The following FAM117B variants were observed in gnomAD, a reference collection of about 807,000 sequenced individuals.
FAM117B encodes the protein protein FAM117B.
In FAM117B, 22 loss-of-function variants were observed where a neutral mutation model predicts 52.8. That is an observed-to-expected ratio of 0.42 (90% CI 0.30 to 0.59). The LOEUF (loss-of-function observed/expected upper bound fraction) is 0.59. Ranked by LOEUF, FAM117B falls within the 20% of genes least tolerant of loss-of-function variation. FAM117B has a pLI of 0.22. For missense variants in FAM117B, 678 were observed against 802.6 expected, an observed-to-expected ratio of 0.84 and a Z score of 1.88; for synonymous variants, 309 against 324.1, an observed-to-expected ratio of 0.95 and a Z score of 0.50.
intron 1 of FAM117B, among the ~76,000 whole-genome samples, chr2:202,651,808 G>A (rs562471390): frequency 6.6e-5 from 10 of 152,150 alleles, no homozygotes; most frequent in East Asian, 1.9e-4. Flanking sequence ...ATAAAGACAA[G>A]TTTGGGAGGC....
chr2:202,689,789 G>A (rs544958700), intron 1 of FAM117B, among the ~76,000 whole-genome samples: 7 of 151,928 alleles, frequency 4.6e-5, no homozygotes, highest in South Asian at 2.1e-4. Flanking sequence ...GTAGTGGTGC[G>A]TGCCTGTGGT....
chr2:202,655,745 A>AGTGTGTGT (rs1349842139), intron 1 of FAM117B, among the ~76,000 whole-genome samples: 23 of 133,670 alleles, frequency 1.7e-4, no homozygotes, highest in African/African-American at 8.6e-4. Context: ...AGAGAGAGAG[A>AGTGTGTGT]GAGAGAGAGA....
intron 1 of FAM117B, among the ~76,000 whole-genome samples, chr2:202,693,024 A>AC (rs1690659080): frequency 6.6e-6 from 1 of 152,234 alleles, no homozygotes; most frequent in South Asian, 2.1e-4. Flanking sequence ...CATACAAAAA[A>AC]CAGGTGCAAG....
At chr2:202,747,870 A>G (rs1691658545) in intron 4 of FAM117B, among the ~76,000 whole-genome samples, 2 of 152,158 alleles carry the variant, frequency 1.3e-5, no homozygotes, top group African/African-American at 2.4e-5. Flanking sequence ...AAATGACCAT[A>G]CTATCCAAAG....
At chr2:202,762,136 T>G (rs756477368) in intron 7 of FAM117B, among the ~76,000 whole-genome samples, 1 of 152,170 alleles carries the variant, frequency 6.6e-6, no homozygotes, top group Non-Finnish European at 1.5e-5. Flanking sequence ...AAGGGTAGAT[T>G]GTTGGTCCCA....
intron 2 of FAM117B, among the ~76,000 whole-genome samples, chr2:202,710,400 A>T (rs1212960473): frequency 2.6e-5 from 4 of 151,618 alleles, no homozygotes; most frequent in African/African-American, 9.7e-5. Flanking sequence ...TGCTTTCCTA[A>T]TTTTCTTAAT....
chr2:202,676,212 C>T (rs193150979), intron 1 of FAM117B, among the ~76,000 whole-genome samples: 34 of 151,950 alleles, frequency 2.2e-4, no homozygotes, highest in Admixed American at 5.2e-4. Flanking sequence ...TTGCCAGTAG[C>T]CATATGAATG....
intron 4 of FAM117B, among the ~76,000 whole-genome samples, chr2:202,736,228 T>G (rs1455608927): frequency 6.6e-6 from 1 of 152,226 alleles, no homozygotes; most frequent in Admixed American, 6.5e-5. Flanking sequence ...TTTTTTGCCG[T>G]TTCAAAATTG....
chr2:202,731,332 AATAT>A (rs35255766), intron 4 of FAM117B, among the ~76,000 whole-genome samples: 1,818 of 30,742 alleles, frequency 0.059, 89 homozygotes, highest in Admixed American at 0.11. Context: ...GAGAAATTGG[AATAT>A]ATATATATAT....
At chr2:202,670,568 C>T (rs751589671) in intron 1 of FAM117B, among the ~76,000 whole-genome samples, 2 of 151,884 alleles carry the variant, frequency 1.3e-5, no homozygotes, top group Non-Finnish European at 2.9e-5. Context: ...GATAAGCCAC[C>T]GCCCCCTGGC....
At chr2:202,712,205 T>C (rs963309600) in intron 2 of FAM117B, among the ~76,000 whole-genome samples, 6 of 152,088 alleles carry the variant, frequency 3.9e-5, no homozygotes, top group African/African-American at 1.4e-4. Context: ...TTTGTGTGTC[T>C]TTAATTTCTT....
chr2:202,754,220 T>C (rs1358018573), intron 4 of FAM117B, among the ~76,000 whole-genome samples: 1 of 152,160 alleles, frequency 6.6e-6, no homozygotes, highest in African/African-American at 2.4e-5. Context: ...ATCATGTCCT[T>C]TGCAAGGACA....
intron 1 of FAM117B, among the ~76,000 whole-genome samples, chr2:202,670,788 T>G (rs1690286490): frequency 6.6e-6 from 1 of 152,192 alleles, no homozygotes; most frequent in Admixed American, 6.5e-5. Context: ...GAATGAATTA[T>G]TGTTATTAGC....
chr2:202,664,040 T>A (rs1382096694), intron 1 of FAM117B, among the ~76,000 whole-genome samples: 2 of 152,242 alleles, frequency 1.3e-5, no homozygotes, highest in Admixed American at 6.5e-5. Context: ...AAAAAGCATG[T>A]TGAACCACAG....
At position 202,768,833 on chromosome 2, in the gene FAM117B, G is replaced by T. The variant is rs550750242; in HGVS notation, c.*3069G>T. ...TTGCATTAAAAGAAATGGGTAGCATGTGTCTTTCAGAGAAAGGAGCTATTT... is the reference window on the plus strand; with the variant it reads ...TTGCATTAAAAGAAATGGGTAGCATTTGTCTTTCAGAGAAAGGAGCTATTT... On this transcript the variant is annotated 3_prime_UTR_variant, in exon 8 of 8. Transcript: ENST00000392238. The T allele has an allele frequency of 6.6e-6, 1 of 152,166 alleles. No homozygotes were observed. Among genetic ancestry groups the T allele is most frequent in the Admixed American group, 6.5e-5 (1 of 15,296 alleles). The allele number at this position is 152,166 out of a possible 1,614,324, so 9.4% of individuals were successfully genotyped here.
chr2:202,711,631 A>T (rs1241660692), intron 2 of FAM117B, among the ~76,000 whole-genome samples: 1 of 152,158 alleles, frequency 6.6e-6, no homozygotes, highest in African/African-American at 2.4e-5. Flanking sequence ...GACAAACATC[A>T]TGGAGAGTTT....
At position 202,644,064 on chromosome 2, in the gene FAM117B, G is replaced by GTTTGTTT. The variant is rs1689816805; in HGVS notation, c.601+8279_601+8280insGTTTTTT. Among the ~76,000 whole-genome samples the GTTTGTTT allele has an allele frequency of 9.5e-5, 9 of 95,138 alleles. 1 individual carries two copies. The highest frequency in any genetic ancestry group is 4.1e-4 in the African/African-American group (9 of 22,204). 62.4% of individuals were successfully genotyped at this position (95,138 alleles called of 152,430 possible). ...CTGCTTTAGGAGCTGTTTTTTTTTT[G>GTTTGTTT]TTTTTTTTTTTTTTTTTTTTCAGTT... On this transcript the variant is annotated intron_variant, in intron 1 of 7. Coordinates refer to ENST00000392238, the MANE Select transcript of FAM117B (RefSeq NM_173511.4).
At chr2:202,648,572 T>C (rs1393971174) in intron 1 of FAM117B, among the ~76,000 whole-genome samples, 3 of 140,066 alleles carry the variant, frequency 2.1e-5, no homozygotes, top group Non-Finnish European at 4.6e-5. Context: ...TGTGTGTGTG[T>C]GTGCGTGTAT....
chr2:202,651,194 T>C (rs1392524744), intron 1 of FAM117B, among the ~76,000 whole-genome samples: 1 of 151,696 alleles, frequency 6.6e-6, no homozygotes, highest in Non-Finnish European at 1.5e-5. Flanking sequence ...CCAGAGTAGA[T>C]GGGATTACAG....
Sources: allele counts gnomAD v4.1 joint callset (sites outside exome capture counted in the v4.1 genomes callset), GRCh38; gene constraint gnomAD v4.1.1; transcripts MANE v1.5; gene names NCBI Gene and HGNC (gene_info 2026-07-23, HGNC 2026-07-21).